Variants in GALNT13 observed in about 807,000 individuals in gnomAD.
GALNT13 encodes polypeptide N-acetylgalactosaminyltransferase 13.
Under a neutral mutation model 64.2 loss-of-function variants are expected in GALNT13, and 28 were observed. The ratio of observed to expected loss-of-function variants is 0.44; its 90% CI spans 0.32 to 0.60. The LOEUF (loss-of-function observed/expected upper bound fraction) is 0.60, where lower values mean the gene tolerates loss of function less well. GALNT13 is among the 20% of genes least tolerant of loss of function. The pLI, the probability that GALNT13 is intolerant of heterozygous loss-of-function variation, is 0.05. For synonymous variants in GALNT13, 214 were observed against 224.6 expected (o/e 0.95, Z 0.42); for missense variants, 577 against 669.8 (o/e 0.86, Z 1.53).
At chr2:153,364,050 A>C in the GALNT13 span, among the ~76,000 whole-genome samples, 2 of 152,050 alleles carry the variant, frequency 1.3e-5, no homozygotes, top group Non-Finnish European at 2.9e-5. Flanking sequence ...ATAATTAAGT[A>C]GGCTTCATCC....
the GALNT13 span, among the ~76,000 whole-genome samples, chr2:153,275,894 T>C: frequency 0.34 from 51,051 of 152,018 alleles, 8,789 homozygotes; most frequent in Middle Eastern, 0.51. Context: ...ATTATCAGTA[T>C]ATTAACTATA....
At chr2:153,213,931 G>A in the GALNT13 span, among the ~76,000 whole-genome samples, 1 of 152,212 alleles carries the variant, frequency 6.6e-6, no homozygotes, top group African/African-American at 2.4e-5. Flanking sequence ...ACCCTGTGCT[G>A]AACATAACTC....
At chr2:154,331,368 T>C (rs1695158791) in intron 9 of GALNT13, among the ~76,000 whole-genome samples, 1 of 152,050 alleles carries the variant, frequency 6.6e-6, no homozygotes, top group Non-Finnish European at 1.5e-5. Context: ...TGTGGTAGAA[T>C]TATAGCTCAC....
At chr2:153,635,743 T>C in the GALNT13 span, among the ~76,000 whole-genome samples, 5 of 152,112 alleles carry the variant, frequency 3.3e-5, no homozygotes, top group East Asian at 9.6e-4. Flanking sequence ...TGACTGGAAA[T>C]ATTCAAATAT....
At chr2:154,134,854 C>T (rs973099399) in intron 3 of GALNT13, among the ~76,000 whole-genome samples, 4 of 152,022 alleles carry the variant, frequency 2.6e-5, no homozygotes, top group Non-Finnish European at 4.4e-5. Context: ...TAGCTGGTGA[C>T]GGGCACCTGT....
chr2:153,543,763 A>G, the GALNT13 span, among the ~76,000 whole-genome samples: 2 of 152,214 alleles, frequency 1.3e-5, no homozygotes, highest in Non-Finnish European at 2.9e-5. Context: ...ACATGCAACT[A>G]CTGACTCATT....
the GALNT13 span, among the ~76,000 whole-genome samples, chr2:153,236,412 C>CA: frequency 1.3e-5 from 2 of 152,202 alleles, no homozygotes; most frequent in Admixed American, 6.5e-5. Flanking sequence ...GAAGAGAAGT[C>CA]AGAGACTGGC....
the GALNT13 span, among the ~76,000 whole-genome samples, chr2:153,707,331 A>G: frequency 6.6e-6 from 1 of 152,172 alleles, no homozygotes; most frequent in Admixed American, 6.5e-5. Flanking sequence ...GATCTTTATT[A>G]TTATACACAT....
At chr2:153,369,951 C>T in the GALNT13 span, among the ~76,000 whole-genome samples, 2 of 152,068 alleles carry the variant, frequency 1.3e-5, no homozygotes, top group Non-Finnish European at 2.9e-5. Context: ...CCTTATTTGA[C>T]CCATGGGTTC....
At chr2:153,381,431 A>G in the GALNT13 span, among the ~76,000 whole-genome samples, 1 of 152,158 alleles carries the variant, frequency 6.6e-6, no homozygotes, top group Non-Finnish European at 1.5e-5. Context: ...TATTTACCCC[A>G]GAATTCTTTT....
chr2:153,142,331 G>A, the GALNT13 span, among the ~76,000 whole-genome samples: 1 of 151,976 alleles, frequency 6.6e-6, no homozygotes, highest in African/African-American at 2.4e-5. Flanking sequence ...GTGCCCAGTG[G>A]GATTGCTGGA....
At chr2:153,721,345 C>T in the GALNT13 span, among the ~76,000 whole-genome samples, 567 of 139,028 alleles carry the variant, frequency 4.1e-3, 5 homozygotes, top group Admixed American at 7.7e-3. Flanking sequence ...CAGTACCAGC[C>T]GCTGCAAAAT....
At chr2:153,339,398 G>A in the GALNT13 span, among the ~76,000 whole-genome samples, 5 of 152,166 alleles carry the variant, frequency 3.3e-5, no homozygotes, top group Admixed American at 2.0e-4. Flanking sequence ...ATAATTGTTG[G>A]CCATTTGTGT....
chr2:153,244,582 G>A, the GALNT13 span, among the ~76,000 whole-genome samples: 1 of 152,330 alleles, frequency 6.6e-6, no homozygotes, highest in Non-Finnish European at 1.5e-5. Context: ...AAGCCATGAA[G>A]GACTGTGCAA....
chr2:153,900,046 C>A (rs921827842), intron 1 of GALNT13, among the ~76,000 whole-genome samples: 1 of 150,296 alleles, frequency 6.7e-6, no homozygotes, highest in African/African-American at 2.4e-5. Context: ...AGTGATGGTC[C>A]TGCCTCAGCC....
intron 3 of GALNT13, among the ~76,000 whole-genome samples, chr2:154,035,000 T>C (rs984171856): frequency 6.6e-6 from 1 of 152,112 alleles, no homozygotes; most frequent in African/African-American, 2.4e-5. Context: ...GAAAAAAATA[T>C]GATGCTGTCT....
chr2:153,374,453 A>T, the GALNT13 span, among the ~76,000 whole-genome samples: 3 of 151,884 alleles, frequency 2.0e-5, no homozygotes, highest in African/African-American at 7.3e-5. Context: ...AATTTTAGGG[A>T]TTCTTTATAT....
chr2:153,300,424 G>T, the GALNT13 span, among the ~76,000 whole-genome samples: 4 of 152,160 alleles, frequency 2.6e-5, no homozygotes, highest in Non-Finnish European at 5.9e-5. Flanking sequence ...GGGAAAGCTG[G>T]GATAATTGTG....
In GALNT13 at chr2:154,450,807, T is replaced by C; in HGVS notation, c.*256T>C. On this transcript the variant is annotated 3_prime_UTR_variant, in exon 13 of 13. Transcript: ENST00000392825. ...AGAACAACTTGTAAAACAAATTGTG[T>C]TTGCTTTAAGAAAAATGTTTATTGC... The C allele has an allele frequency of 2.9e-6, 1 of 341,964 alleles. No homozygotes were observed. The allele number at this position is 341,964 out of a possible 1,614,324, so 21.2% of individuals were successfully genotyped here. A position where few individuals can be genotyped will look rare whatever the true frequency, so the allele number is the denominator to read the frequency against.
Sources: gnomAD v4.1 joint callset for allele counts (sites outside exome capture counted in the v4.1 genomes callset) on GRCh38, gnomAD v4.1.1 for gene constraint, MANE v1.5 for transcripts, NCBI Gene and HGNC (gene_info 2026-07-23, HGNC 2026-07-21) for gene names.